Variants in RBFOX1 observed in about 807,000 individuals in gnomAD.
RBFOX1 encodes RNA binding protein fox-1 homolog 1.
In RBFOX1, 8 loss-of-function variants were observed where a neutral mutation model predicts 57.7. The observed-to-expected ratio is 0.14, with a 90% CI of 0.08 to 0.25. RBFOX1 has a LOEUF of 0.25. Among genes scored for constraint, RBFOX1 ranks in the 10% least tolerant of loss-of-function variants. RBFOX1 has a pLI of 1.00. For missense variants in RBFOX1, 611 were observed against 548.5 expected, an observed-to-expected ratio of 1.11 and a Z score of -1.14; for synonymous variants, 326 against 222.4, an observed-to-expected ratio of 1.47 and a Z score of -4.15.
At chr16:5,531,505 A>G (rs993696246) in intron 2 of RBFOX1, among the ~76,000 whole-genome samples, 1 of 152,216 alleles carries the variant, frequency 6.6e-6, no homozygotes, top group African/African-American at 2.4e-5. Flanking sequence ...GCATGGGGCA[A>G]TAATGAGGGA....
intron 3 of RBFOX1, among the ~76,000 whole-genome samples, chr16:5,830,730 C>A (rs141057540): frequency 2.0e-5 from 3 of 152,332 alleles, no homozygotes; most frequent in Non-Finnish European, 4.4e-5. Flanking sequence ...GCCATCTTTG[C>A]CACCATTGCA....
chr16:6,992,232 C>G (rs181197210), intron 3 of RBFOX1, among the ~76,000 whole-genome samples: 2 of 151,058 alleles, frequency 1.3e-5, no homozygotes, highest in South Asian at 4.2e-4. Flanking sequence ...GGTGCAATCT[C>G]GGCTTACTGC....
At chr16:5,896,192 C>G (rs2058160052) in intron 4 of RBFOX1, among the ~76,000 whole-genome samples, 2 of 152,124 alleles carry the variant, frequency 1.3e-5, no homozygotes, top group Non-Finnish European at 1.5e-5. Flanking sequence ...CACAGCTGGT[C>G]TCATCTAGAG....
rs1048958081 is a variant in RBFOX1, at chr16:5,619,456, C to T, written c.318+20495C>T. Among the ~76,000 whole-genome samples the T allele has an allele frequency of 2.6e-5, 4 of 152,148 alleles. No individual in the cohort carries two copies. In the South Asian group the frequency reaches 6.2e-4, roughly 24 times the overall value. ...AGCTCTTGATTTTATGACCTCATCT[C>T]TCGCCCCAACCCCGAGACTTCACTC... On this transcript the variant is annotated intron_variant, in intron 3 of 19. Coordinates refer to the RBFOX1 transcript ENST00000641259.
intron 3 of RBFOX1, among the ~76,000 whole-genome samples, chr16:6,720,941 A>G (rs2154162129): frequency 6.6e-6 from 1 of 152,304 alleles, no homozygotes; most frequent in South Asian, 2.1e-4. Context: ...AGCTCCAGGT[A>G]CATTAATACT....
chr16:7,240,211 C>T (rs544046880), intron 4 of RBFOX1, among the ~76,000 whole-genome samples: 2 of 152,160 alleles, frequency 1.3e-5, no homozygotes, highest in East Asian at 3.9e-4. Context: ...AGGTGATCCT[C>T]CCGCCTCGGC....
In RBFOX1 at chr16:7,230,932, C is replaced by A. The variant is rs1193661777; in HGVS notation, c.27+178834C>A. Among the ~76,000 whole-genome samples the A allele has an allele frequency of 2.0e-5, 3 of 152,110 alleles. 1 individual carries two copies. The East Asian group carries it at 5.8e-4, about 29-fold the overall frequency. ...CCAAGGTTACTGGTGTTAATTTTACCTTCTGATGTTAGGTAACCAGTCACT... is the reference window on the plus strand; with the variant it reads ...CCAAGGTTACTGGTGTTAATTTTACATTCTGATGTTAGGTAACCAGTCACT... On this transcript the variant is annotated intron_variant, in intron 4 of 15. Coordinates refer to ENST00000550418, the MANE Select transcript of RBFOX1 (RefSeq NM_018723.4).
chr16:7,331,176 T>A (rs1287902500), intron 4 of RBFOX1, among the ~76,000 whole-genome samples: 3 of 152,180 alleles, frequency 2.0e-5, no homozygotes, highest in Non-Finnish European at 4.4e-5. Flanking sequence ...ATTAGTGTAG[T>A]GTAAAAACAC....
intron 1 of RBFOX1, among the ~76,000 whole-genome samples, chr16:6,064,227 A>G (rs1185040236): frequency 1.3e-5 from 2 of 152,202 alleles, no homozygotes; most frequent in Non-Finnish European, 2.9e-5. Context: ...TACGTTCTTT[A>G]AAAATCTGAA....
chr16:5,960,250 A>C (rs530615814), intron 4 of RBFOX1, among the ~76,000 whole-genome samples: 2 of 152,194 alleles, frequency 1.3e-5, no homozygotes, highest in African/African-American at 4.8e-5. Flanking sequence ...AGCACTTACT[A>C]AGCCCTTTTA....
At chr16:6,327,088 A>C (rs1461483362) in intron 2 of RBFOX1, among the ~76,000 whole-genome samples, 2 of 152,120 alleles carry the variant, frequency 1.3e-5, no homozygotes, top group African/African-American at 4.8e-5. Context: ...AACATGCACC[A>C]CTGTCCACAA....
chr16:7,452,153 G>C (rs1199433887), intron 4 of RBFOX1, among the ~76,000 whole-genome samples: 1 of 152,242 alleles, frequency 6.6e-6, no homozygotes. Flanking sequence ...TTATGATCCA[G>C]CCAAGTTACA....
In RBFOX1 at chr16:5,525,942, ATCATGTG is replaced by A. The variant is rs565727047; in HGVS notation, c.258+58689_258+58695del. ...CTCTTTACTTGAAGGCAAGCTTCAC[ATCATGTG>A]AAGCTACTTAGCATGGCTTCAGGGA... On this transcript the variant is annotated intron_variant, in intron 2 of 2. Transcript: ENST00000585867. 4.0e-3 allele frequency among the ~76,000 whole-genome samples: 608 copies of A among 152,242 alleles called. 1 individual carries two copies. Among genetic ancestry groups the A allele is most frequent in the African/African-American group, 0.014 (576 of 41,564 alleles).
At chr16:7,387,642 A>G (rs2097907085) in intron 4 of RBFOX1, among the ~76,000 whole-genome samples, 2 of 152,148 alleles carry the variant, frequency 1.3e-5, no homozygotes, top group South Asian at 2.1e-4. Flanking sequence ...TGTGTTTGGA[A>G]GAAAGGTGAA....
chr16:7,095,497 G>C (rs920235234), intron 4 of RBFOX1, among the ~76,000 whole-genome samples: 1 of 152,150 alleles, frequency 6.6e-6, no homozygotes, highest in African/African-American at 2.4e-5. Flanking sequence ...ATTTTTATCT[G>C]TGATGTGGAG....
chr16:6,521,665 T>A (rs1379936641), intron 2 of RBFOX1, among the ~76,000 whole-genome samples: 2 of 152,140 alleles, frequency 1.3e-5, no homozygotes, highest in Non-Finnish European at 2.9e-5. Flanking sequence ...AGCTTAGGAA[T>A]TCTGGCTAAT....
At chr16:5,910,366 A>G (rs997204077) in intron 4 of RBFOX1, among the ~76,000 whole-genome samples, 1 of 152,110 alleles carries the variant, frequency 6.6e-6, no homozygotes, top group Non-Finnish European at 1.5e-5. Context: ...GAGGTACCAG[A>G]GCCTTCTTGA....
intron 2 of RBFOX1, among the ~76,000 whole-genome samples, chr16:6,536,346 A>G (rs188373178): frequency 4.3e-4 from 65 of 152,290 alleles, no homozygotes; most frequent in African/African-American, 1.4e-3. Context: ...TGTTTTTACC[A>G]GCATGCAATT....
chr16:7,367,406 C>T (rs1297367540), intron 4 of RBFOX1, among the ~76,000 whole-genome samples: 1 of 152,188 alleles, frequency 6.6e-6, no homozygotes, highest in African/African-American at 2.4e-5. Flanking sequence ...CCTCTCTCTT[C>T]GATGGATTCC....
Sources: gnomAD v4.1 joint callset for allele counts (sites outside exome capture counted in the v4.1 genomes callset) on GRCh38, gnomAD v4.1.1 for gene constraint, MANE v1.5 for transcripts, NCBI Gene and HGNC (gene_info 2026-07-23, HGNC 2026-07-21) for gene names.